Variants in RAPGEF1 observed in about 807,000 individuals in gnomAD.
RAPGEF1 encodes the protein Rap guanine nucleotide exchange factor 1.
Under a neutral mutation model 143.3 loss-of-function variants are expected in RAPGEF1, and 33 were observed. The observed-to-expected ratio is 0.23, with a 90% CI of 0.17 to 0.31. The LOEUF (loss-of-function observed/expected upper bound fraction) is 0.31. Ranked by LOEUF, RAPGEF1 falls within the 10% of genes least tolerant of loss-of-function variation. RAPGEF1 has a pLI of 1.00. For synonymous variants in RAPGEF1, 629 were observed against 676.5 expected (o/e 0.93, Z 1.09); for missense variants, 1,199 against 1,645.4 (o/e 0.73, Z 4.69).
At chr9:131,646,596 C>G (rs551701018) in intron 3 of RAPGEF1, among the ~76,000 whole-genome samples, 3 of 152,190 alleles carry the variant, frequency 2.0e-5, no homozygotes, top group African/African-American at 4.8e-5. Flanking sequence ...TCCCCACAGC[C>G]GTGCCGCAGC....
intron 22 of RAPGEF1, among the ~76,000 whole-genome samples, chr9:131,587,215 GTC>G (rs1953250874): frequency 1.2e-5 from 1 of 83,308 alleles, no homozygotes; most frequent in African/African-American, 5.1e-5. Flanking sequence ...GCGAGACTCC[GTC>G]TCAAACACAC....
At chr9:131,592,068 C>A in intron 18 of RAPGEF1, 31 bp downstream of exon 18, 1 of 1,541,832 alleles carries the variant, frequency 6.5e-7, no homozygotes, top group Non-Finnish European at 9.0e-7. Flanking sequence ...GCCCATGGTG[C>A]AGGGGCCCTG....
chr9:131,739,538 C>T (rs893431732), intron 1 of RAPGEF1, among the ~76,000 whole-genome samples: 4 of 151,034 alleles, frequency 2.6e-5, no homozygotes, highest in Non-Finnish European at 5.9e-5. Context: ...GTTGCAGGGG[C>T]CCCGCCCGGC....
chr9:131,715,201 C>T (rs547658992), intron 1 of RAPGEF1, among the ~76,000 whole-genome samples: 7 of 152,264 alleles, frequency 4.6e-5, no homozygotes, highest in African/African-American at 4.8e-5. Context: ...AATACCAACA[C>T]GGAGCTTGGG....
chr9:131,679,451 C>A lies in RAPGEF1; in HGVS notation c.62-28502G>T, dbSNP rs558244008. On this transcript the variant is annotated intron_variant, in intron 1 of 26. Coordinates refer to ENST00000683357, the MANE Select transcript of RAPGEF1 (RefSeq NM_001377935.1). ...ACGGTGGATTAGAAGCTCACCAAGGCTGTGATTCAGATGTTCCCATCCTAA... is the reference window on the plus strand; with the variant it reads ...ACGGTGGATTAGAAGCTCACCAAGGATGTGATTCAGATGTTCCCATCCTAA... Among the ~76,000 whole-genome samples the A allele has an allele frequency of 1.6e-4, 24 of 152,316 alleles. 1 individual carries two copies. The East Asian group carries it at 4.6e-3, about 29-fold the overall frequency.
At chr9:131,596,518 G>A in intron 16 of RAPGEF1, 145 bp from the exon 17 acceptor site, 1 of 821,622 alleles carries the variant, frequency 1.2e-6, no homozygotes, top group Non-Finnish European at 2.0e-6. Context: ...CCCAGGAGCA[G>A]TGTGGCTGCG....
chr9:131,724,173 C>T (rs1466961291), intron 1 of RAPGEF1, among the ~76,000 whole-genome samples: 2 of 152,162 alleles, frequency 1.3e-5, no homozygotes, highest in Admixed American at 6.5e-5. Flanking sequence ...GGTAACTCAT[C>T]GGACTGTGTG....
chr9:131,719,553 C>CTTTTTT (rs34413859), intron 1 of RAPGEF1, among the ~76,000 whole-genome samples: 23 of 72,400 alleles, frequency 3.2e-4, no homozygotes, highest in South Asian at 5.2e-4. Flanking sequence ...CCCTTCAGGG[C>CTTTTTT]TTTTTTTTTT....
Position 131,605,084 on chromosome 9 carries a change from T to A in RAPGEF1, c.2166A>T (p.Pro722=), listed in dbSNP as rs763122477. Reference sequence around the variant, plus strand: ...CAGAGCTCTGAGACTGGTGGGCAGGTGGGAAATGTGGAGAGGAAGAGGAGG... The same window carrying A: ...CAGAGCTCTGAGACTGGTGGGCAGGAGGGAAATGTGGAGAGGAAGAGGAGG... ...PPTSSSSPHF[P]PAHQSQSSDL... Residue 722 remains proline (P), a synonymous_variant, in exon 13 of 27, where the codon CCA becomes CCT. Coordinates refer to ENST00000683357, the MANE Select transcript of RAPGEF1 (RefSeq NM_001377935.1). 2.2e-6 allele frequency: 3 copies of A among 1,364,150 alleles called. No individual in the cohort carries two copies. In the Admixed American group the frequency reaches 5.7e-5, roughly 26 times the overall value. 84.5% of individuals were successfully genotyped at this position (1,364,150 alleles called of 1,614,324 possible). A position where few individuals can be genotyped will look rare whatever the true frequency, so the allele number is the denominator to read the frequency against.
At position 131,667,574 on chromosome 9, in the gene RAPGEF1, C is replaced by T. The variant is rs945512855; in HGVS notation, c.62-16625G>A. On this transcript the variant is annotated intron_variant, in intron 1 of 26. Transcript: ENST00000683357. The surrounding 1 kb of genome is among the most constrained non-coding windows in gnomAD (Gnocchi z 4.6). ...TTGTTTCAAGAGAAGAAATCTCTAC[C>T]ATCACAGCTTCCCAACATTCCAGAC... 1.3e-5 allele frequency among the ~76,000 whole-genome samples: 2 copies of T among 152,190 alleles called. No individual in the cohort carries two copies. The highest frequency in any genetic ancestry group is 1.3e-4 in the Admixed American group (2 of 15,276).
At chr9:131,591,865 C>T (rs540270129) in intron 18 of RAPGEF1, among the ~76,000 whole-genome samples, 5 of 152,354 alleles carry the variant, frequency 3.3e-5, no homozygotes, top group African/African-American at 1.2e-4. Flanking sequence ...CCAGCCTCTT[C>T]ACATCATTTC....
intron 1 of RAPGEF1, among the ~76,000 whole-genome samples, chr9:131,726,455 G>A (rs1361262564): frequency 3.9e-5 from 6 of 151,976 alleles, no homozygotes; most frequent in Non-Finnish European, 7.4e-5. Flanking sequence ...GGTGAAACCC[G>A]TCTCTACTAA....
At chr9:131,580,445 G>A in intron 25 of RAPGEF1, 54 bp from the exon 26 acceptor site, 1 of 1,582,418 alleles carries the variant, frequency 6.3e-7, no homozygotes, top group Non-Finnish European at 8.6e-7. Context: ...GAAGCAGCAA[G>A]GGCTAGAGAC....
intron 1 of RAPGEF1, among the ~76,000 whole-genome samples, chr9:131,672,911 A>G (rs1417574082): frequency 6.6e-6 from 1 of 152,192 alleles, no homozygotes; most frequent in Admixed American, 6.5e-5. Flanking sequence ...TAAAAGGCTC[A>G]GAGCACCAGT....
chr9:131,592,211 T>A, intron 17 of RAPGEF1, 28 bp from the exon 18 acceptor site: 1 of 1,555,814 alleles, frequency 6.4e-7, no homozygotes, highest in Non-Finnish European at 8.9e-7. Context: ...TGCAAACTGC[T>A]TGTCTGGGTG....
intron 10 of RAPGEF1, among the ~76,000 whole-genome samples, chr9:131,625,700 A>C (rs1486831461): frequency 2.0e-5 from 3 of 152,212 alleles, no homozygotes; most frequent in African/African-American, 7.2e-5. Context: ...CGGACCTGAG[A>C]TTGTATAGAA....
intron 5 of RAPGEF1, among the ~76,000 whole-genome samples, chr9:131,632,214 C>T (rs373825886): frequency 5.3e-5 from 8 of 151,922 alleles, no homozygotes; most frequent in South Asian, 2.1e-4. Flanking sequence ...CTGCAAGCTC[C>T]GCCTCCTGGG....
At chr9:131,662,734 G>T (rs902353902) in intron 1 of RAPGEF1, among the ~76,000 whole-genome samples, 5 of 151,906 alleles carry the variant, frequency 3.3e-5, no homozygotes, top group African/African-American at 7.3e-5. Flanking sequence ...GTAGAGACAG[G>T]GTTTCACCAT....
chr9:131,707,807 T>C (rs1298246363), intron 1 of RAPGEF1, among the ~76,000 whole-genome samples: 1 of 152,208 alleles, frequency 6.6e-6, no homozygotes, highest in Non-Finnish European at 1.5e-5. Context: ...AGAGAGTAAA[T>C]TATAGATAGC....
Sources: gnomAD v4.1 joint callset for allele counts (sites outside exome capture counted in the v4.1 genomes callset) on GRCh38, gnomAD v4.1.1 for gene constraint, Gnocchi (gnomAD v3.1) non-coding constraint, MANE v1.5 for transcripts, NCBI Gene and HGNC (gene_info 2026-07-23, HGNC 2026-07-21) for gene names.